The following TMEM135 variants were observed in gnomAD, a reference collection of about 807,000 sequenced individuals.
The protein encoded by TMEM135 is transmembrane protein 135.
TMEM135 carries 30 observed loss-of-function variants against 60.3 expected under a neutral mutation model. The observed-to-expected ratio is 0.50, with a 90% CI of 0.37 to 0.68. The LOEUF (loss-of-function observed/expected upper bound fraction) is 0.68, where lower values mean the gene tolerates loss of function less well. Among genes scored for constraint, TMEM135 ranks in the 30% least tolerant of loss-of-function variants. The pLI is 0.00. For missense variants in TMEM135, 468 were observed against 548.8 expected (o/e 0.85, Z 1.47); for synonymous variants, 190 against 186.7 (o/e 1.02, Z -0.14).
chr11:87,313,934 TATTAA>T (rs1194328640), intron 11 of TMEM135, among the ~76,000 whole-genome samples: 2 of 151,834 alleles, frequency 1.3e-5, no homozygotes, highest in East Asian at 1.9e-4. Context: ...GCAATGTATG[TATTAA>T]ATTAAATAGA....
At chr11:87,078,611 T>G (rs1856921289) in intron 3 of TMEM135, among the ~76,000 whole-genome samples, 1 of 152,148 alleles carries the variant, frequency 6.6e-6, no homozygotes, top group Non-Finnish European at 1.5e-5. Flanking sequence ...TTTCTTTCTT[T>G]TTTTTATTTG....
intron 5 of TMEM135, among the ~76,000 whole-genome samples, chr11:87,162,265 A>G (rs765828788): frequency 2.6e-5 from 4 of 151,980 alleles, no homozygotes; most frequent in Non-Finnish European, 5.9e-5. Context: ...ATACATGTGC[A>G]GAACGTGCAG....
At chr11:87,218,106 G>T (rs1940540799) in intron 5 of TMEM135, among the ~76,000 whole-genome samples, 1 of 152,000 alleles carries the variant, frequency 6.6e-6, no homozygotes, top group South Asian at 2.1e-4. Context: ...ATGGCAGAGG[G>T]GTGCTGTCTA....
chr11:87,072,487 T>C (rs1341930518), intron 3 of TMEM135, among the ~76,000 whole-genome samples: 1 of 151,976 alleles, frequency 6.6e-6, no homozygotes, highest in African/African-American at 2.4e-5. Flanking sequence ...TTCAAGCAAT[T>C]CTCCTATCTT....
At chr11:87,168,271 A>G (rs1565471014) in intron 5 of TMEM135, among the ~76,000 whole-genome samples, 2 of 151,744 alleles carry the variant, frequency 1.3e-5, no homozygotes. Context: ...GGATTCATTG[A>G]TTTTTCGAAG....
intron 11 of TMEM135, 122 bp from the exon 12 acceptor site, chr11:87,314,349 C>T: frequency 1.2e-6 from 1 of 806,016 alleles, no homozygotes; most frequent in Non-Finnish European, 2.1e-6. Context: ...TTATTACTGT[C>T]CTTGATTGTG....
intron 12 of TMEM135, 128 bp downstream of exon 12, chr11:87,314,675 T>C: frequency 1.4e-6 from 1 of 726,490 alleles, no homozygotes; most frequent in Admixed American, 2.2e-5. Flanking sequence ...ATTTGCAAAG[T>C]TGATTCCCCT....
intron 4 of TMEM135, among the ~76,000 whole-genome samples, chr11:87,100,304 C>A (rs1380510845): frequency 6.6e-6 from 1 of 152,156 alleles, no homozygotes; most frequent in East Asian, 1.9e-4. Context: ...TTACCTGATA[C>A]ACTTCATCTT....
intron 5 of TMEM135, among the ~76,000 whole-genome samples, chr11:87,191,265 G>C (rs1029256550): frequency 1.3e-5 from 2 of 150,460 alleles, no homozygotes; most frequent in Non-Finnish European, 2.9e-5. Context: ...TTCTGAGACA[G>C]AGTCCCGCTC....
At chr11:87,296,026 C>A (rs1246934483) in intron 7 of TMEM135, among the ~76,000 whole-genome samples, 1 of 152,142 alleles carries the variant, frequency 6.6e-6, no homozygotes, top group African/African-American at 2.4e-5. Context: ...TAATCAACGA[C>A]TTCTTTTGGA....
chr11:87,170,488 T>C (rs1005857960), intron 5 of TMEM135, among the ~76,000 whole-genome samples: 1 of 152,180 alleles, frequency 6.6e-6, no homozygotes, highest in African/African-American at 2.4e-5. Flanking sequence ...ATCCTTTTTG[T>C]TGATGTTGTT....
At chr11:87,090,378 T>C (rs954334473) in intron 3 of TMEM135, among the ~76,000 whole-genome samples, 4 of 152,098 alleles carry the variant, frequency 2.6e-5, no homozygotes, top group Non-Finnish European at 5.9e-5. Context: ...TTTAGGAATA[T>C]TAAAAATCTT....
chr11:87,130,861 T>G (rs1383084562), intron 4 of TMEM135, among the ~76,000 whole-genome samples: 2 of 152,074 alleles, frequency 1.3e-5, no homozygotes, highest in Non-Finnish European at 2.9e-5. Flanking sequence ...TTTCACCCAT[T>G]TTTTATATTG....
intron 4 of TMEM135, among the ~76,000 whole-genome samples, chr11:87,138,764 TGC>T (rs1938182002): frequency 6.6e-6 from 1 of 152,210 alleles, no homozygotes; most frequent in Non-Finnish European, 1.5e-5. Flanking sequence ...GGAACACAGG[TGC>T]AAGAGCACTC....
chr11:87,156,463 TTAA>T (rs1938699009), intron 4 of TMEM135, among the ~76,000 whole-genome samples: 1 of 152,216 alleles, frequency 6.6e-6, no homozygotes, highest in South Asian at 2.1e-4. Flanking sequence ...TATTGTCATC[TTAA>T]TAATAAGTAT....
At chr11:87,319,069 A>G in intron 13 of TMEM135, 2 of 441,480 alleles carry the variant, frequency 4.5e-6, no homozygotes, top group Non-Finnish European at 8.2e-6. Flanking sequence ...GGTTTTCTCC[A>G]TGTTGGTTAG....
chr11:87,324,605 T>A lies in TMEM135; in HGVS notation c.*3272T>A, dbSNP rs538929945. ...TGGCTAATATTTATTTTATTTATTT[T>A]TTTTTTGTAGAAACAAGGTGTTGCT... On this transcript the variant is annotated 3_prime_UTR_variant, in exon 15 of 15. Coordinates refer to ENST00000305494, the MANE Select transcript of TMEM135 (RefSeq NM_022918.4). The A allele has an allele frequency of 5.4e-4, 236 of 438,246 alleles. 2 individuals are homozygous for A. The highest frequency in any genetic ancestry group is 1.4e-3 in the African/African-American group (69 of 48,766). The allele number at this position is 438,246 out of a possible 1,614,324, so 27.1% of individuals were successfully genotyped here.
At chr11:87,114,079 A>G (rs1857818128) in intron 4 of TMEM135, among the ~76,000 whole-genome samples, 1 of 152,132 alleles carries the variant, frequency 6.6e-6, no homozygotes, top group African/African-American at 2.4e-5. Context: ...ATCAGAATCA[A>G]GTGAAGGCAA....
intron 1 of TMEM135, among the ~76,000 whole-genome samples, chr11:87,054,845 T>C (rs995721329): frequency 6.6e-6 from 1 of 152,160 alleles, no homozygotes; most frequent in African/African-American, 2.4e-5. Flanking sequence ...CAGGAGGCAC[T>C]GAATTAACCA....
Sources: allele counts gnomAD v4.1 joint callset (sites outside exome capture counted in the v4.1 genomes callset), GRCh38; gene constraint gnomAD v4.1.1; transcripts MANE v1.5; gene names NCBI Gene and HGNC (gene_info 2026-07-23, HGNC 2026-07-21).